The following IGF1R variants were observed in gnomAD, a reference collection of about 807,000 sequenced individuals.
IGF1R encodes insulin like growth factor 1 receptor, also known as insulin-like growth factor 1 receptor.
Under a neutral mutation model 144.6 loss-of-function variants are expected in IGF1R, and 44 were observed. That is an observed-to-expected ratio of 0.30 (90% confidence interval 0.24 to 0.39). The LOEUF is 0.39. Ranked by LOEUF, IGF1R falls within the 10% of genes least tolerant of loss-of-function variation. The pLI is 1.00. For synonymous variants in IGF1R, 795 were observed against 722.8 expected (o/e 1.10, Z -1.60); for missense variants, 1,355 against 1,833.7 (o/e 0.74, Z 4.77).
chr15:98,762,208 T>C lies in IGF1R; in HGVS notation c.640+54101T>C, dbSNP rs183706503. On this transcript the variant is annotated intron_variant, in intron 2 of 20. Coordinates refer to ENST00000650285, the MANE Select transcript of IGF1R (RefSeq NM_000875.5). ...TATAAGAAATGAATAAAAGTTGTTA[T>C]ATCATTTGATTTTTCTTTTCTTTTC... Among the ~76,000 whole-genome samples the C allele has an allele frequency of 1.3e-3, 189 of 141,992 alleles. 1 individual carries two copies. The highest frequency in any genetic ancestry group is 4.0e-3 in the African/African-American group (158 of 39,206). 93.2% of individuals were successfully genotyped at this position (141,992 alleles called of 152,430 possible).
rs200653013 is a variant in IGF1R at position 98,803,501 on chromosome 15, T to TATTA, written c.641-87821_641-87820insAATT. 1.0e-3 allele frequency among the ~76,000 whole-genome samples: 152 copies of TATTA among 150,754 alleles called. 2 individuals are homozygous for TATTA. In the East Asian group the frequency reaches 0.028, roughly 28 times the overall value. On this transcript the variant is annotated intron_variant, in intron 2 of 20. Coordinates refer to ENST00000650285, the MANE Select transcript of IGF1R (RefSeq NM_000875.5). ...GCTACACTTAGTGAATATTACATTT[T>TATTA]ATTTATTTATTTATTTATTTATGAG... is the stretch of plus-strand genomic sequence containing the variant.
At chr15:98,700,273 C>T (rs2053694835) in intron 1 of IGF1R, among the ~76,000 whole-genome samples, 1 of 152,106 alleles carries the variant, frequency 6.6e-6, no homozygotes, top group East Asian at 1.9e-4. Flanking sequence ...CCCCATTTTT[C>T]TTCTGCTTTG....
At chr15:98,652,022 A>G (rs556040956) in intron 1 of IGF1R, among the ~76,000 whole-genome samples, 5,454 of 152,248 alleles carry the variant, frequency 0.036, 314 homozygotes, top group African/African-American at 0.12. Context: ...TCTGGTGGAG[A>G]AATAAAGACA....
intron 2 of IGF1R, among the ~76,000 whole-genome samples, chr15:98,843,515 G>A (rs1861943457): frequency 6.6e-6 from 1 of 152,078 alleles, no homozygotes; most frequent in Non-Finnish European, 1.5e-5. Flanking sequence ...CGATACAGTA[G>A]TTAGTTTTAA....
chr15:98,887,584 C>G (rs1052644076), intron 2 of IGF1R, among the ~76,000 whole-genome samples: 1 of 152,174 alleles, frequency 6.6e-6, no homozygotes, highest in Admixed American at 6.5e-5. Context: ...CTCAGAGTTT[C>G]CTTCCTCTAA....
At chr15:98,688,988 T>C (rs2053405689) in intron 1 of IGF1R, among the ~76,000 whole-genome samples, 1 of 152,168 alleles carries the variant, frequency 6.6e-6, no homozygotes, top group African/African-American at 2.4e-5. Flanking sequence ...GCGACGACTT[T>C]GGCTGCCCAG....
intron 8 of IGF1R, among the ~76,000 whole-genome samples, chr15:98,914,366 G>A (rs1244081864): frequency 4.6e-5 from 7 of 152,132 alleles, no homozygotes; most frequent in African/African-American, 1.7e-4. Flanking sequence ...ACCCATAAGC[G>A]AGCACAAAAT....
In IGF1R at chr15:98,787,169, A is replaced by G. The variant is rs186489723; in HGVS notation, c.640+79062A>G. ...TGGGCTCCTGGGAAGGATTCATGGC[A>G]TAAAAGTGGGACTTCAGCATTCTCT... On this transcript the variant is annotated intron_variant, in intron 2 of 20. Transcript: ENST00000650285. Among the ~76,000 whole-genome samples, 3 of 152,280 alleles carry G rather than the reference A, an allele frequency of 2.0e-5. No homozygotes were observed. The East Asian group carries it at 5.8e-4, about 29-fold the overall frequency.
rs776074393 is a variant in IGF1R, at chr15:98,962,042, C to T, written c.*4600C>T. 1.2e-4 allele frequency: 29 copies of T among 233,208 alleles called. No individual in the cohort carries two copies. Among genetic ancestry groups the T allele is most frequent in the Non-Finnish European group, 2.0e-4 (24 of 118,088 alleles). The allele number at this position is 233,208 out of a possible 1,614,324, so 14.4% of individuals were successfully genotyped here. ...CACCAGATTCTAGGCCAGTTTGTTC[C>T]ACTGAAGCTTTTCCCACAGCAGTCC... On this transcript the variant is annotated 3_prime_UTR_variant, in exon 21 of 21. Coordinates refer to ENST00000650285, the MANE Select transcript of IGF1R (RefSeq NM_000875.5).
chr15:98,844,837 CA>C (rs1250295874), intron 2 of IGF1R, among the ~76,000 whole-genome samples: 1 of 151,914 alleles, frequency 6.6e-6, no homozygotes, highest in Non-Finnish European at 1.5e-5. Flanking sequence ...TTGAAAAGGC[CA>C]AAAGTTGAAT....
rs2017270545 is a variant in IGF1R at position 98,962,623 on chromosome 15, A to AT, written c.*5182dup. 4.3e-6 allele frequency: 1 copy of AT among 233,700 alleles called. No homozygotes were observed. Among genetic ancestry groups the AT allele is most frequent in the African/African-American group, 2.2e-5 (1 of 45,360 alleles). The allele number at this position is 233,700 out of a possible 1,614,324, so 14.5% of individuals were successfully genotyped here. On this transcript the variant is annotated 3_prime_UTR_variant, in exon 21 of 21. Coordinates refer to ENST00000650285, the MANE Select transcript of IGF1R (RefSeq NM_000875.5). ...GAAGTGAGTGCTCCTTGATGGTGGAATGACCGGGTGGTGGGTACAGAACCA... is the reference window on the plus strand; with the variant it reads ...GAAGTGAGTGCTCCTTGATGGTGGAATTGACCGGGTGGTGGGTACAGAACCA...
intron 2 of IGF1R, among the ~76,000 whole-genome samples, chr15:98,717,199 C>T (rs887577659): frequency 7.9e-5 from 12 of 152,184 alleles, no homozygotes; most frequent in African/African-American, 2.7e-4. Context: ...CATCTGTTTG[C>T]CTCAGGTATG....
chr15:98,933,966 C>G (rs1567208413), intron 15 of IGF1R, among the ~76,000 whole-genome samples: 1 of 152,134 alleles, frequency 6.6e-6, no homozygotes. Flanking sequence ...CGCAAATTTT[C>G]TAGTAGCCGT....
chr15:98,815,758 A>G (rs191827194), intron 2 of IGF1R, among the ~76,000 whole-genome samples: 40 of 152,244 alleles, frequency 2.6e-4, no homozygotes, highest in Non-Finnish European at 5.1e-4. Flanking sequence ...AGCTTTGGCT[A>G]GAGAAGGAAC....
intron 2 of IGF1R, among the ~76,000 whole-genome samples, chr15:98,732,240 C>G (rs1289863083): frequency 1.3e-5 from 2 of 152,098 alleles, no homozygotes; most frequent in Non-Finnish European, 2.9e-5. Context: ...GGAAGACTTG[C>G]CTAGGAGCAG....
chr15:98,763,772 G>T (rs773514647), intron 2 of IGF1R, among the ~76,000 whole-genome samples: 6 of 152,260 alleles, frequency 3.9e-5, no homozygotes, highest in Middle Eastern at 3.4e-3. Context: ...ACTCCTGACC[G>T]AATAAAGCCT....
At chr15:98,751,238 T>C (rs1202670635) in intron 2 of IGF1R, among the ~76,000 whole-genome samples, 1 of 152,208 alleles carries the variant, frequency 6.6e-6, no homozygotes, top group Non-Finnish European at 1.5e-5. Flanking sequence ...TCTTGCTCTG[T>C]CACCCAGGCT....
At chr15:98,867,464 T>G (rs919601179) in intron 2 of IGF1R, among the ~76,000 whole-genome samples, 4 of 152,216 alleles carry the variant, frequency 2.6e-5, no homozygotes, top group African/African-American at 9.7e-5. Flanking sequence ...ACGGCTCCTT[T>G]GCCTAGGTCT....
chr15:98,770,389 A>ACT (rs1013049554), intron 2 of IGF1R, among the ~76,000 whole-genome samples: 2 of 152,230 alleles, frequency 1.3e-5, no homozygotes, highest in Admixed American at 1.3e-4. Flanking sequence ...TCAGTTAGAT[A>ACT]GAGGGAATAC....
Sources: allele counts gnomAD v4.1 joint callset (sites outside exome capture counted in the v4.1 genomes callset), GRCh38; gene constraint gnomAD v4.1.1; transcripts MANE v1.5; gene names NCBI Gene and HGNC (gene_info 2026-07-23, HGNC 2026-07-21).